THAP6: variants seen among roughly 807,000 people sequenced by gnomAD.
THAP6 encodes THAP domain containing 6, also known as THAP domain-containing protein 6.
Under a neutral mutation model 20.0 loss-of-function variants are expected in THAP6, and 13 were observed. The ratio of observed to expected loss-of-function variants is 0.65; its 90% CI spans 0.42 to 1.03. The LOEUF is 1.03. THAP6 is among the 50% of genes least tolerant of loss of function. The probability of loss-of-function intolerance (pLI) is 0.00; values close to 1 mark genes in which losing one functional copy is unlikely to be tolerated. For missense variants in THAP6, 262 were observed against 261.6 expected (o/e 1.00, Z -0.01); for synonymous variants, 93 against 92.2 (o/e 1.01, Z -0.05).
intron 1 of THAP6, chr4:75,515,033 T>C (rs1376830613): frequency 5.5e-6 from 1 of 182,726 alleles, no homozygotes; most frequent in East Asian, 1.2e-4. Context: ...GAAGTGTGTG[T>C]CCTGTGAGAG....
At chr4:75,524,995 C>T (rs894409183) in intron 4 of THAP6, among the ~76,000 whole-genome samples, 1 of 152,094 alleles carries the variant, frequency 6.6e-6, no homozygotes, top group South Asian at 2.1e-4. Flanking sequence ...TAAGCTCAGG[C>T]GATCCCCCTG....
In THAP6 at chr4:75,529,115, C is replaced by T. The variant is rs1726562986; in HGVS notation, c.*1901C>T. 6.1e-6 allele frequency: 6 copies of T among 976,428 alleles called. No homozygotes were observed. Among genetic ancestry groups the T allele is most frequent in the Non-Finnish European group, 7.3e-6 (6 of 821,900 alleles). 60.5% of individuals were successfully genotyped at this position (976,428 alleles called of 1,614,324 possible). A position where few individuals can be genotyped will look rare whatever the true frequency, so the allele number is the denominator to read the frequency against. The stretch of plus-strand genomic sequence containing the variant: ...TATTTTAGTTACTTAATTTTGAGTT[C>T]ATAAATGGCCACCCTAATGGAAAGT... On this transcript the variant is annotated 3_prime_UTR_variant, in exon 5 of 5. Transcript: ENST00000311638.
chr4:75,542,556 G>T (rs920806646), intron 3 of THAP6: 22 of 649,132 alleles, frequency 3.4e-5, no homozygotes, highest in Admixed American at 3.3e-4. Context: ...CTATAAGGTA[G>T]GTACTATTAT....
chr4:75,517,153 G>A, intron 3 of THAP6, 174 bp downstream of exon 3: 2 of 530,298 alleles, frequency 3.8e-6, no homozygotes, highest in Non-Finnish European at 6.6e-6. Flanking sequence ...GAGAAGCTGG[G>A]ATTACAGGCA....
At chr4:75,534,910 A>G (rs904104260), downstream of THAP6, among the ~76,000 whole-genome samples, 2 of 152,218 alleles carry the variant, frequency 1.3e-5, no homozygotes. Flanking sequence ...TCAGGAAACG[A>G]CAGGTGCTGG....
intron 3 of THAP6, among the ~76,000 whole-genome samples, chr4:75,546,939 C>T (rs60891346): frequency 0.015 from 2,313 of 152,272 alleles, 65 homozygotes; most frequent in African/African-American, 0.052. Flanking sequence ...GTACTAAAGC[C>T]CAGCCAAGTT....
At chr4:75,539,756 A>AT in intron 2 of THAP6, 1 of 1,489,448 alleles carries the variant, frequency 6.7e-7, no homozygotes, top group Non-Finnish European at 8.9e-7. Context: ...CACCTTACCC[A>AT]TTGGTGGTGA....
chr4:75,540,245 C>T (rs1578283185), intron 2 of THAP6, among the ~76,000 whole-genome samples: 1 of 152,170 alleles, frequency 6.6e-6, no homozygotes, highest in Admixed American at 6.5e-5. Flanking sequence ...TCACAAAGCA[C>T]ACCATTTAGC....
intron 4 of THAP6, among the ~76,000 whole-genome samples, chr4:75,524,458 T>G (rs1031483884): frequency 4.6e-5 from 7 of 152,258 alleles, no homozygotes; most frequent in African/African-American, 7.2e-5. Flanking sequence ...CTACAGGACT[T>G]ACTTTAACAT....
chr4:75,514,288 T>A, upstream of THAP6: 3 of 1,610,682 alleles, frequency 1.9e-6, no homozygotes, highest in Non-Finnish European at 1.7e-6. Flanking sequence ...CGCCGCCATC[T>A]CCTCCACCTC....
At chr4:75,514,133 G>T (rs2148792213), upstream of THAP6, 2 of 1,570,726 alleles carry the variant, frequency 1.3e-6, no homozygotes, top group South Asian at 1.1e-5. Flanking sequence ...CTAACCACCT[G>T]CCCAGCCCGC....
intron 4 of THAP6, 78 bp from the exon 5 acceptor site, chr4:75,526,876 TGAAGAA>T: frequency 6.6e-7 from 1 of 1,518,400 alleles, no homozygotes; most frequent in South Asian, 1.3e-5. Flanking sequence ...GCATTGTAAA[TGAAGAA>T]ACAGCTTAGA....
At chr4:75,543,926 G>T (rs970604754) in intron 3 of THAP6, among the ~76,000 whole-genome samples, 1 of 152,060 alleles carries the variant, frequency 6.6e-6, no homozygotes, top group Non-Finnish European at 1.5e-5. Flanking sequence ...ACTATGGGTC[G>T]CCCCCAGTAA....
At position 75,528,066 on chromosome 4, in the gene THAP6, G is replaced by C; in HGVS notation, c.*852G>C. 3 of 984,274 alleles carry C rather than the reference G, an allele frequency of 3.0e-6. No homozygotes were observed. Among genetic ancestry groups the C allele is most frequent in the Non-Finnish European group, 3.6e-6 (3 of 828,976 alleles). The allele number at this position is 984,274 out of a possible 1,614,324, so 61.0% of individuals were successfully genotyped here. ...ATTTTATATGTAAAGTAGTATTGCTGACATTTTAAAAAAATACAAAATACA... is the reference window on the plus strand; with the variant it reads ...ATTTTATATGTAAAGTAGTATTGCTCACATTTTAAAAAAATACAAAATACA... On this transcript the variant is annotated 3_prime_UTR_variant, in exon 5 of 5. Coordinates refer to ENST00000311638, the MANE Select transcript of THAP6 (RefSeq NM_144721.6).
At position 75,521,853 on chromosome 4, in the gene THAP6, T is replaced by A; in HGVS notation, c.406T>A (p.Phe136Ile). 3.1e-6 allele frequency: 5 copies of A among 1,613,514 alleles called. No individual in the cohort carries two copies. Among genetic ancestry groups the A allele is most frequent in the Middle Eastern group, 1.7e-4 (1 of 6,058 alleles). The change falls in exon 4 of 5, where the codon TTC becomes ATC. Residue 136 changes from phenylalanine (F) to isoleucine (I), a missense_variant. By Grantham distance (21) the Phe-to-Ile change is conservative (BLOSUM62 0). Transcript: ENST00000311638. ...SSCIEEFQSQ[F>I]IFEHSYSVMD... ...ATGTATTGAAGAATTCCAATCCCAG[T>A]TCATTTTTGTAAGTAAATTACTTGC...
chr4:75,528,883 T>G lies in THAP6; in HGVS notation c.*1669T>G. ...GGCCAAGATGGTGAAACCCCATCTC[T>G]GCTAAAAATACAAAAAAAAATTAGC... is the stretch of plus-strand genomic sequence containing the variant. On this transcript the variant is annotated 3_prime_UTR_variant, in exon 5 of 5. Transcript: ENST00000311638. 1.5e-6 allele frequency: 1 copy of G among 655,094 alleles called. No homozygotes were observed. Among genetic ancestry groups the G allele is most frequent in the Non-Finnish European group, 1.9e-6 (1 of 528,848 alleles). The allele number at this position is 655,094 out of a possible 1,614,324, so 40.6% of individuals were successfully genotyped here.
chr4:75,514,574 A>C (rs1725380910), intron 1 of THAP6, 54 bp downstream of exon 1: 2 of 311,776 alleles, frequency 6.4e-6, no homozygotes, highest in Non-Finnish European at 6.0e-6. Flanking sequence ...CCCAAATCTC[A>C]GGGCGTAGTT....
chr4:75,521,711 G>T lies in THAP6; in HGVS notation c.289-25G>T, dbSNP rs199874376. 31 of 1,555,600 alleles carry T rather than the reference G, an allele frequency of 2.0e-5. No homozygotes were observed. In the East Asian group the frequency reaches 2.9e-4, roughly 15 times the overall value. On this transcript the variant is annotated intron_variant, in intron 3 of 4. Transcript: ENST00000311638. ...AAAGAACAAAAGTATCTCACTTGATGATTATTATTAACTACTCTTAACAGG... is the reference window on the plus strand; with the variant it reads ...AAAGAACAAAAGTATCTCACTTGATTATTATTATTAACTACTCTTAACAGG...
chr4:75,531,468 T>C (rs1726677643), downstream of THAP6, among the ~76,000 whole-genome samples: 1 of 152,210 alleles, frequency 6.6e-6, no homozygotes, highest in South Asian at 2.1e-4. Flanking sequence ...TAGCCTTGAG[T>C]ACAACTATAT....
Sources: allele counts gnomAD v4.1 joint callset (sites outside exome capture counted in the v4.1 genomes callset), GRCh38; gene constraint gnomAD v4.1.1; transcripts MANE v1.5; gene names NCBI Gene and HGNC (gene_info 2026-07-23, HGNC 2026-07-21).